The following C2orf92 variants were observed in gnomAD, a reference collection of about 807,000 sequenced individuals.
The protein encoded by C2orf92 is chromosome 2 open reading frame 92.
At chr2:97,670,708 A>G (rs1211584534) in intron 1 of C2orf92, 1 of 151,786 alleles carries the variant, frequency 6.6e-6, no homozygotes, top group East Asian at 2.0e-4. Flanking sequence ...GACCACAGGC[A>G]TGTACCACCA....
chr2:97,677,796 A>G (rs1264623640), intron 3 of C2orf92: 1 of 152,246 alleles, frequency 6.6e-6, no homozygotes, highest in Non-Finnish European at 1.5e-5. Flanking sequence ...ACTGAACTAA[A>G]GGAGACCATG....
At chr2:97,693,052 T>TA (rs1316448234) in intron 5 of C2orf92, among the ~76,000 whole-genome samples, 1 of 152,250 alleles carries the variant, frequency 6.6e-6, no homozygotes, top group Admixed American at 6.5e-5. Context: ...TTACTTTAGA[T>TA]ATCTCATGTA....
At chr2:97,693,042 T>A (rs1400309899) in intron 5 of C2orf92, among the ~76,000 whole-genome samples, 1 of 152,254 alleles carries the variant, frequency 6.6e-6, no homozygotes, top group Non-Finnish European at 1.5e-5. Context: ...GTGAGTTGTG[T>A]TACTTTAGAT....
chr2:97,700,991 A>G (rs1471637690), intron 6 of C2orf92, among the ~76,000 whole-genome samples, 163 bp from the exon 7 acceptor site: 15 of 152,104 alleles, frequency 9.9e-5, no homozygotes, highest in Admixed American at 9.2e-4. Flanking sequence ...TCAGCCTCCC[A>G]AAGTGCTGGG....
chr2:97,669,598 C>T (rs966790937), upstream of C2orf92: 9 of 388,300 alleles, frequency 2.3e-5, no homozygotes, highest in Non-Finnish European at 4.1e-5. Context: ...TCAGGGCCAC[C>T]AGCATAGCCC....
intron 4 of C2orf92, 119 bp from the exon 5 acceptor site, chr2:97,690,137 A>G (rs1242058740): frequency 5.4e-6 from 2 of 368,644 alleles, no homozygotes; most frequent in Non-Finnish European, 9.7e-6. Flanking sequence ...TCAAAAGACA[A>G]AAAAAAACCA....
chr2:97,679,134 A>AG (rs1201844821), intron 3 of C2orf92, among the ~76,000 whole-genome samples: 4 of 152,112 alleles, frequency 2.6e-5, no homozygotes, highest in African/African-American at 9.7e-5. Flanking sequence ...AGAGCCCTTC[A>AG]GGCTGAGATG....
intron 1 of C2orf92, chr2:97,671,931 T>C (rs983741695): frequency 6.4e-6 from 1 of 156,602 alleles, no homozygotes; most frequent in East Asian, 1.8e-4. Context: ...GGTGTGGGGA[T>C]AGACCTTCAC....
At chr2:97,696,998 T>G (rs1236093440) in intron 5 of C2orf92, among the ~76,000 whole-genome samples, 1 of 152,214 alleles carries the variant, frequency 6.6e-6, no homozygotes, top group Non-Finnish European at 1.5e-5. Context: ...GATGAAAGAC[T>G]TCAACTTTTT....
intron 1 of C2orf92, among the ~76,000 whole-genome samples, chr2:97,672,869 C>T (rs1262544928): frequency 6.6e-6 from 1 of 152,110 alleles, no homozygotes; most frequent in Admixed American, 6.5e-5. Flanking sequence ...CGAGGACCAA[C>T]AGCCCTGGAA....
upstream of C2orf92, among the ~76,000 whole-genome samples, chr2:97,664,913 T>G (rs556792223): frequency 6.6e-6 from 1 of 152,200 alleles, no homozygotes; most frequent in Non-Finnish European, 1.5e-5. Flanking sequence ...GAAAAGATCC[T>G]TTTCCTTATA....
upstream of C2orf92, chr2:97,664,836 A>G (rs758134802): frequency 4.6e-5 from 7 of 152,122 alleles, no homozygotes; most frequent in Non-Finnish European, 8.8e-5. Context: ...AGTCTTTCCA[A>G]AGCGTTGGGA....
At chr2:97,669,673 C>T (rs80305189), upstream of C2orf92, 355 of 395,636 alleles carry the variant, frequency 9.0e-4, 3 homozygotes, top group East Asian at 1.9e-3. Flanking sequence ...ACCTCACTTC[C>T]GTGTATGACT....
intron 3 of C2orf92, among the ~76,000 whole-genome samples, chr2:97,685,361 G>T (rs1256758215): frequency 6.7e-6 from 1 of 149,586 alleles, no homozygotes; most frequent in African/African-American, 2.5e-5. Flanking sequence ...TGCCTCCCAG[G>T]TTCACGCCAT....
chr2:97,671,882 A>T, intron 1 of C2orf92: 1 of 174,706 alleles, frequency 5.7e-6, no homozygotes, highest in East Asian at 1.4e-4. Context: ...TCTTTTTAAC[A>T]ATTGAGACAT....
rs550903559 is a variant in C2orf92 at position 97,696,622 on chromosome 2, G to A, written c.404-2404G>A. Reference sequence around the variant, plus strand: ...GTGCTGGCGTATCCCTGTAATCCCAGCTACTTGGGAGGCTGAGGCAGGAAA... The same window carrying A: ...GTGCTGGCGTATCCCTGTAATCCCAACTACTTGGGAGGCTGAGGCAGGAAA... On this transcript the variant is annotated intron_variant, in intron 5 of 7. Coordinates refer to ENST00000627399, the MANE Select transcript of C2orf92 (RefSeq NM_001351368.2). 3.9e-5 allele frequency among the ~76,000 whole-genome samples: 6 copies of A among 152,284 alleles called. No individual in the cohort carries two copies. In the South Asian group the frequency reaches 1.2e-3, roughly 32 times the overall value.
At chr2:97,676,619 C>A (rs1675594605) in intron 3 of C2orf92, among the ~76,000 whole-genome samples, 1 of 151,060 alleles carries the variant, frequency 6.6e-6, no homozygotes, top group Non-Finnish European at 1.5e-5. Context: ...CGACACACGA[C>A]AAATTAGCCA....
intron 3 of C2orf92, among the ~76,000 whole-genome samples, chr2:97,685,815 G>A (rs1338057063): frequency 2.6e-5 from 4 of 152,138 alleles, no homozygotes; most frequent in Non-Finnish European, 2.9e-5. Flanking sequence ...TGCCCTCCTC[G>A]GCCTCCCAAA....
At chr2:97,680,376 A>G (rs528310322) in intron 3 of C2orf92, among the ~76,000 whole-genome samples, 1 of 152,210 alleles carries the variant, frequency 6.6e-6, no homozygotes, top group South Asian at 2.1e-4. Context: ...AATGGATTAA[A>G]CTCTTAATAA....
Sources: allele counts gnomAD v4.1 joint callset (sites outside exome capture counted in the v4.1 genomes callset), GRCh38; gene constraint gnomAD v4.1.1; transcripts MANE v1.5; gene names NCBI Gene and HGNC (gene_info 2026-07-23, HGNC 2026-07-21).